The following PTPRM variants were observed in gnomAD, a reference collection of about 807,000 sequenced individuals.
PTPRM encodes the protein protein tyrosine phosphatase receptor type M.
A neutral mutation model predicts 186.7 loss-of-function variants in PTPRM; 47 were observed. That is an observed-to-expected ratio of 0.25 (90% CI 0.20 to 0.32). The LOEUF is 0.32. Ranked by LOEUF, PTPRM falls within the 10% of genes least tolerant of loss-of-function variation. PTPRM has a pLI of 1.00. For missense variants in PTPRM, 1,494 were observed against 1,865.0 expected (o/e 0.80, Z 3.66); for synonymous variants, 668 against 674.9 (o/e 0.99, Z 0.16).
At chr18:7,756,710 G>A (rs1416338186) in intron 1 of PTPRM, among the ~76,000 whole-genome samples, 2 of 152,140 alleles carry the variant, frequency 1.3e-5, no homozygotes, top group East Asian at 1.9e-4. Context: ...TATACAATAA[G>A]GAAAATGTGC....
At chr18:8,358,180 A>C (rs1221250915) in intron 23 of PTPRM, among the ~76,000 whole-genome samples, 1 of 149,688 alleles carries the variant, frequency 6.7e-6, no homozygotes, top group African/African-American at 2.5e-5. Context: ...ACCAGACTAG[A>C]TCTCTTTTAC....
chr18:8,380,934 G>T (rs562046015), intron 29 of PTPRM, among the ~76,000 whole-genome samples: 1 of 152,196 alleles, frequency 6.6e-6, no homozygotes, highest in African/African-American at 2.4e-5. Flanking sequence ...GTCATGCAGG[G>T]TGACAGTGTC....
chr18:7,981,747 G>A (rs1458180391), intron 7 of PTPRM, among the ~76,000 whole-genome samples: 1 of 152,140 alleles, frequency 6.6e-6, no homozygotes, highest in African/African-American at 2.4e-5. Flanking sequence ...AGGTAGCAAG[G>A]CCAGCTACAC....
At chr18:7,611,127 AT>A (rs2037662541) in intron 1 of PTPRM, among the ~76,000 whole-genome samples, 1 of 152,196 alleles carries the variant, frequency 6.6e-6, no homozygotes. Context: ...GAAAGAAAAT[AT>A]TTTTGTAAGC....
intron 1 of PTPRM, among the ~76,000 whole-genome samples, chr18:7,745,251 C>G (rs1239561472): frequency 6.6e-6 from 1 of 152,186 alleles, no homozygotes; most frequent in African/African-American, 2.4e-5. Flanking sequence ...TAAGAACAAT[C>G]AGAAAACAGG....
intron 22 of PTPRM, among the ~76,000 whole-genome samples, chr18:8,339,351 AT>A (rs576844119): frequency 5.2e-4 from 79 of 152,112 alleles, no homozygotes; most frequent in Non-Finnish European, 4.3e-4. Context: ...TACCTTTCAG[AT>A]TTCCCACAGG....
intron 2 of PTPRM, among the ~76,000 whole-genome samples, chr18:7,790,872 T>C (rs1963479464): frequency 6.6e-6 from 1 of 152,038 alleles, no homozygotes; most frequent in Admixed American, 6.6e-5. Flanking sequence ...ATGGGAGTGG[T>C]TGCTAACTCT....
intron 6 of PTPRM, among the ~76,000 whole-genome samples, chr18:7,950,469 A>G (rs902767510): frequency 6.6e-6 from 1 of 152,148 alleles, no homozygotes; most frequent in Non-Finnish European, 1.5e-5. Context: ...CACATTTCTC[A>G]AGATAGGCAG....
At chr18:8,105,440 C>A (rs1227591711) in intron 11 of PTPRM, among the ~76,000 whole-genome samples, 1 of 151,930 alleles carries the variant, frequency 6.6e-6, no homozygotes. Flanking sequence ...CTTTAAGAAC[C>A]TTTGAAAAGA....
intron 1 of PTPRM, among the ~76,000 whole-genome samples, chr18:7,771,756 TTGGAG>T (rs1293441266): frequency 1.3e-5 from 2 of 152,190 alleles, no homozygotes; most frequent in Non-Finnish European, 2.9e-5. Flanking sequence ...TATCAGAGCC[TTGGAG>T]GCAGATGTAG....
intron 17 of PTPRM, 94 bp downstream of exon 17, chr18:8,248,270 A>C: frequency 8.4e-7 from 1 of 1,194,540 alleles, no homozygotes; most frequent in Non-Finnish European, 1.3e-6. Flanking sequence ...ATTCTGTATA[A>C]TGCAGTGATT....
chr18:8,160,597 G>A (rs1305705127), intron 14 of PTPRM, among the ~76,000 whole-genome samples: 3 of 152,126 alleles, frequency 2.0e-5, no homozygotes, highest in African/African-American at 7.2e-5. Flanking sequence ...TGCCTAGCCA[G>A]GATGAATTCT....
chr18:8,289,455 T>C (rs1438069505), intron 19 of PTPRM, among the ~76,000 whole-genome samples: 3 of 86,684 alleles, frequency 3.5e-5, no homozygotes, highest in South Asian at 3.6e-4. Context: ...TATATATGTA[T>C]ATACATATAT....
intron 1 of PTPRM, among the ~76,000 whole-genome samples, chr18:7,665,377 A>G (rs986106463): frequency 2.0e-5 from 3 of 152,066 alleles, no homozygotes; most frequent in Non-Finnish European, 4.4e-5. Flanking sequence ...TTTTTAGTTT[A>G]TGTGTATTTT....
intron 4 of PTPRM, among the ~76,000 whole-genome samples, chr18:7,926,333 T>C (rs950728474): frequency 1.3e-5 from 2 of 152,216 alleles, no homozygotes; most frequent in Non-Finnish European, 2.9e-5. Flanking sequence ...TCCTTTCTGT[T>C]TCATTCTATT....
At chr18:7,880,268 C>T (rs1289268850) in intron 2 of PTPRM, among the ~76,000 whole-genome samples, 1 of 152,200 alleles carries the variant, frequency 6.6e-6, no homozygotes, top group African/African-American at 2.4e-5. Flanking sequence ...TTCAGCTTCC[C>T]TGTGATACAG....
chr18:8,140,935 T>C (rs2092753133), intron 13 of PTPRM, among the ~76,000 whole-genome samples: 1 of 152,226 alleles, frequency 6.6e-6, no homozygotes, highest in Admixed American at 6.5e-5. Flanking sequence ...ATTATACTGT[T>C]AAATTCATAG....
At chr18:8,381,437 A>G (rs1245475965) in intron 29 of PTPRM, among the ~76,000 whole-genome samples, 2 of 151,664 alleles carry the variant, frequency 1.3e-5, no homozygotes, top group Non-Finnish European at 2.9e-5. Context: ...CCTTCCTACA[A>G]TCTGTTTTCT....
At chr18:7,637,185 A>AC (rs2038336367) in intron 1 of PTPRM, among the ~76,000 whole-genome samples, 1 of 151,216 alleles carries the variant, frequency 6.6e-6, no homozygotes, top group African/African-American at 2.5e-5. Flanking sequence ...AAAAAAAAAA[A>AC]ACAGTGTAAT....
Sources: gnomAD v4.1 joint callset for allele counts (sites outside exome capture counted in the v4.1 genomes callset) on GRCh38, gnomAD v4.1.1 for gene constraint, MANE v1.5 for transcripts, NCBI Gene and HGNC (gene_info 2026-07-23, HGNC 2026-07-21) for gene names.